The following UHRF1 variants were observed in gnomAD, a reference collection of about 807,000 sequenced individuals.
UHRF1 encodes the protein E3 ubiquitin-protein ligase UHRF1.
A neutral mutation model predicts 96.5 loss-of-function variants in UHRF1; 9 were observed. That is an observed-to-expected ratio of 0.09 (90% CI 0.06 to 0.16). The LOEUF (loss-of-function observed/expected upper bound fraction) is 0.16. Ranked by LOEUF, UHRF1 falls within the 10% of genes least tolerant of loss-of-function variation. The pLI, the probability that UHRF1 is intolerant of heterozygous loss-of-function variation, is 1.00. For synonymous variants in UHRF1, 455 were observed against 469.9 expected (o/e 0.97, Z 0.41); for missense variants, 626 against 1,131.1 (o/e 0.55, Z 6.40).
At chr19:4,911,915 G>A (rs1345826353) in intron 2 of UHRF1, among the ~76,000 whole-genome samples, 2 of 152,154 alleles carry the variant, frequency 1.3e-5, no homozygotes, top group African/African-American at 2.4e-5. Flanking sequence ...GTTGAGCTGC[G>A]TGTACCCCAC....
At chr19:4,937,364 ATTTG>A (rs1410084842) in intron 5 of UHRF1, among the ~76,000 whole-genome samples, 16 of 124,406 alleles carry the variant, frequency 1.3e-4, no homozygotes, top group Admixed American at 5.3e-4. Context: ...GCTGTTTAAG[ATTTG>A]TTTATTTTTT....
At chr19:4,913,891 A>C (rs1434525950) in intron 2 of UHRF1, among the ~76,000 whole-genome samples, 4 of 139,248 alleles carry the variant, frequency 2.9e-5, no homozygotes, top group Non-Finnish European at 6.0e-5. Flanking sequence ...GGCTTACCTC[A>C]ACCTCCACCT....
chr19:4,939,840 C>T (rs957002088), intron 5 of UHRF1, among the ~76,000 whole-genome samples: 29 of 151,968 alleles, frequency 1.9e-4, no homozygotes, highest in Admixed American at 5.3e-4. Flanking sequence ...CTGGCAAACA[C>T]GGTGAAACCC....
In UHRF1 at chr19:4,947,490, C is replaced by CTTTTTTTTTTTTTT. The variant is rs985069179; in HGVS notation, c.1517+295_1517+308dup. On this transcript the variant is annotated intron_variant, in intron 11 of 16. Coordinates refer to ENST00000650932, the MANE Select transcript of UHRF1 (RefSeq NM_001048201.3). ...CTATAAAAGGCCAGATAATAGATAT[C>CTTTTTTTTTTTTTT]TTTTTTTTTTTTTTTTTTTTTTTTT... Among the ~76,000 whole-genome samples the CTTTTTTTTTTTTTT allele has an allele frequency of 2.1e-3, 119 of 57,884 alleles. 19 individuals are homozygous for CTTTTTTTTTTTTTT. The highest frequency in any genetic ancestry group is 2.2e-3 in the Non-Finnish European group (70 of 32,216). The allele number at this position is 57,884 out of a possible 152,430, so 38.0% of individuals were successfully genotyped here.
At chr19:4,960,407 AGAGCCGGGGGACC>A (rs970236353) in intron 16 of UHRF1, among the ~76,000 whole-genome samples, 13 of 152,298 alleles carry the variant, frequency 8.5e-5, no homozygotes, top group Admixed American at 3.3e-4. Context: ...GTGAGTGATG[AGAGCCGGGGGACC>A]GAGCTGTTAA....
At chr19:4,904,463 G>C (rs927047388) in intron 1 of UHRF1, among the ~76,000 whole-genome samples, 1 of 152,260 alleles carries the variant, frequency 6.6e-6, no homozygotes, top group Admixed American at 6.5e-5. Flanking sequence ...ACAGGCGTGA[G>C]CCACCGCACC....
At chr19:4,959,454 T>C (rs1337458092) in intron 16 of UHRF1, among the ~76,000 whole-genome samples, 1 of 152,202 alleles carries the variant, frequency 6.6e-6, no homozygotes, top group Non-Finnish European at 1.5e-5. Flanking sequence ...GCTGCAGACA[T>C]GTGCCCCCTG....
chr19:4,907,161 G>A (rs935836947), upstream of UHRF1, among the ~76,000 whole-genome samples: 1 of 152,236 alleles, frequency 6.6e-6, no homozygotes, highest in Admixed American at 6.5e-5. Context: ...CCAGGTGGGA[G>A]TACACTGGCT....
At chr19:4,960,285 C>G (rs1465318994) in intron 16 of UHRF1, among the ~76,000 whole-genome samples, 1 of 152,122 alleles carries the variant, frequency 6.6e-6, no homozygotes, top group Non-Finnish European at 1.5e-5. Context: ...TAACACGGCT[C>G]CACAGGTGGA....
intron 4 of UHRF1, among the ~76,000 whole-genome samples, chr19:4,932,382 A>G (rs941673007): frequency 2.0e-5 from 3 of 152,152 alleles, no homozygotes; most frequent in Non-Finnish European, 4.4e-5. Context: ...CTCTTGTTCT[A>G]AAGACACCAG....
chr19:4,947,490 C>CTTTTTTTTTTT (rs985069179), intron 11 of UHRF1, among the ~76,000 whole-genome samples: 761 of 57,886 alleles, frequency 0.013, 149 homozygotes, highest in Non-Finnish European at 0.016. Flanking sequence ...TAATAGATAT[C>CTTTTTTTTTTT]TTTTTTTTTT....
At chr19:4,909,016 G>A (rs1205313801), upstream of UHRF1, among the ~76,000 whole-genome samples, 1 of 152,196 alleles carries the variant, frequency 6.6e-6, no homozygotes, top group Non-Finnish European at 1.5e-5. Context: ...GGTAGAGTGG[G>A]GAGCCCTGGC....
At chr19:4,929,524 C>T (rs766920997) in intron 3 of UHRF1, 48 bp downstream of exon 3, 1 of 1,578,104 alleles carries the variant, frequency 6.3e-7, no homozygotes, top group South Asian at 1.2e-5. Context: ...TTCTCCCTGC[C>T]ATTCTGGTCT....
At chr19:4,946,683 T>C (rs2033575628) in intron 10 of UHRF1, among the ~76,000 whole-genome samples, 1 of 151,470 alleles carries the variant, frequency 6.6e-6, no homozygotes, top group Admixed American at 6.6e-5. Context: ...CTAGTGATCC[T>C]CCCATGTCAG....
chr19:4,908,334 T>A (rs548836964), upstream of UHRF1, among the ~76,000 whole-genome samples: 1 of 152,266 alleles, frequency 6.6e-6, no homozygotes, highest in East Asian at 1.9e-4. Context: ...GGAGACTTAA[T>A]AGAGTGACGA....
At chr19:4,949,374 C>CTT (rs899446823) in intron 11 of UHRF1, among the ~76,000 whole-genome samples, 72 of 151,770 alleles carry the variant, frequency 4.7e-4, no homozygotes, top group African/African-American at 1.7e-3. Flanking sequence ...TCTTGTCACT[C>CTT]TAACTCCGCT....
chr19:4,951,043 G>T lies in UHRF1; in HGVS notation c.1818+47G>T, dbSNP rs1385263786. On this transcript the variant is annotated intron_variant, in intron 13 of 16. Transcript: ENST00000650932. ...GCACTTTGGGAGGCCAAGGCGGATG[G>T]ATCACTTACGTTAGGAGTTCAAGAC... is the stretch of plus-strand genomic sequence containing the variant. 5 of 1,526,204 alleles carry T rather than the reference G, an allele frequency of 3.3e-6. No individual in the cohort carries two copies. The African/African-American group carries it at 5.5e-5, about 17-fold the overall frequency. The allele number at this position is 1,526,204 out of a possible 1,614,324, so 94.5% of individuals were successfully genotyped here.
intron 2 of UHRF1, among the ~76,000 whole-genome samples, chr19:4,923,288 T>A (rs901698145): frequency 1.6e-4 from 25 of 152,200 alleles, no homozygotes; most frequent in Non-Finnish European, 1.0e-4. Context: ...CTGCTCCTCC[T>A]GCCGCCTCCT....
intron 2 of UHRF1, among the ~76,000 whole-genome samples, chr19:4,917,073 G>C (rs1314066619): frequency 4.0e-5 from 6 of 150,372 alleles, no homozygotes; most frequent in Admixed American, 6.6e-5. Flanking sequence ...AGCTCGGTGG[G>C]GGGGGGGGGT....
Sources: allele counts gnomAD v4.1 joint callset (sites outside exome capture counted in the v4.1 genomes callset), GRCh38; gene constraint gnomAD v4.1.1; transcripts MANE v1.5; gene names NCBI Gene and HGNC (gene_info 2026-07-23, HGNC 2026-07-21).